NRXN1: variants seen among roughly 807,000 people sequenced by gnomAD.
NRXN1 encodes the protein neurexin 1.
A neutral mutation model predicts 150.9 loss-of-function variants in NRXN1; 39 were observed. That is an observed-to-expected ratio of 0.26 (90% CI 0.20 to 0.34). The LOEUF (loss-of-function observed/expected upper bound fraction) is 0.34, where lower values mean the gene tolerates loss of function less well. Ranked by LOEUF, NRXN1 falls within the 10% of genes least tolerant of loss-of-function variation. The pLI is 1.00. For missense variants in NRXN1, 1,815 were observed against 1,949.9 expected (o/e 0.93, Z 1.30); for synonymous variants, 924 against 757.0 (o/e 1.22, Z -3.62).
intron 5 of NRXN1, among the ~76,000 whole-genome samples, chr2:50,835,970 T>C (rs1470896186): frequency 6.6e-6 from 1 of 152,212 alleles, no homozygotes. Flanking sequence ...TAAAGACACC[T>C]TTTAATTAGA....
intron 2 of NRXN1, among the ~76,000 whole-genome samples, chr2:50,971,339 C>T (rs754196613): frequency 1.0e-3 from 155 of 152,202 alleles, no homozygotes; most frequent in Non-Finnish European, 1.8e-3. Context: ...AATCCCAGCA[C>T]TTTGGGAGGC....
chr2:50,745,939 A>C (rs1699973996), intron 5 of NRXN1, among the ~76,000 whole-genome samples: 1 of 152,176 alleles, frequency 6.6e-6, no homozygotes, highest in East Asian at 2.0e-4. Context: ...GGAAATTTTA[A>C]AACAGTAATC....
At chr2:50,767,252 T>C (rs946830276) in intron 5 of NRXN1, among the ~76,000 whole-genome samples, 1 of 152,090 alleles carries the variant, frequency 6.6e-6, no homozygotes, top group African/African-American at 2.4e-5. Flanking sequence ...TGTTTTTTAA[T>C]GTACTAATTT....
intron 5 of NRXN1, among the ~76,000 whole-genome samples, chr2:50,754,677 G>GAAAA (rs1459867022): frequency 1.7e-3 from 252 of 151,890 alleles, no homozygotes; most frequent in South Asian, 9.5e-3. Flanking sequence ...AAAGCTTCCA[G>GAAAA]CTTTCCAAAA....
chr2:50,044,214 T>C (rs1473086438), intron 21 of NRXN1, among the ~76,000 whole-genome samples: 1 of 152,192 alleles, frequency 6.6e-6, no homozygotes, highest in Non-Finnish European at 1.5e-5. Context: ...TATAACAGTC[T>C]TGGAGTTTTC....
intron 18 of NRXN1, among the ~76,000 whole-genome samples, chr2:50,147,083 T>C (rs1020830076): frequency 1.3e-5 from 2 of 151,762 alleles, no homozygotes; most frequent in Admixed American, 1.3e-4. Flanking sequence ...GGGTCCTCTA[T>C]AATAGTTGGC....
At chr2:50,299,789 G>C (rs1558481108) in intron 17 of NRXN1, among the ~76,000 whole-genome samples, 1 of 152,126 alleles carries the variant, frequency 6.6e-6, no homozygotes, top group South Asian at 2.1e-4. Context: ...AAATGGCTAT[G>C]TTTTAAATAA....
At chr2:50,348,511 A>C (rs2078204494) in intron 17 of NRXN1, among the ~76,000 whole-genome samples, 1 of 152,236 alleles carries the variant, frequency 6.6e-6, no homozygotes, top group African/African-American at 2.4e-5. Flanking sequence ...CTTTGCTAAC[A>C]GTGGAACTCC....
At chr2:50,560,355 G>A (rs1212475011) in intron 8 of NRXN1, among the ~76,000 whole-genome samples, 1 of 152,138 alleles carries the variant, frequency 6.6e-6, no homozygotes, top group East Asian at 1.9e-4. Flanking sequence ...GAGTGGCTGC[G>A]GGAGGGCTAG....
intron 5 of NRXN1, among the ~76,000 whole-genome samples, chr2:50,706,049 A>T (rs972452336): frequency 1.3e-5 from 2 of 152,236 alleles, no homozygotes; most frequent in African/African-American, 4.8e-5. Flanking sequence ...TCTGCCATGG[A>T]TCCCCGTCAA....
intron 5 of NRXN1, among the ~76,000 whole-genome samples, chr2:50,663,922 G>A (rs561952515): frequency 1.1e-3 from 174 of 152,040 alleles, no homozygotes; most frequent in African/African-American, 4.0e-3. Flanking sequence ...CCCAATAGCT[G>A]AAACCCTGCT....
At chr2:50,673,527 T>C (rs1342787285) in intron 5 of NRXN1, among the ~76,000 whole-genome samples, 1 of 152,136 alleles carries the variant, frequency 6.6e-6, no homozygotes, top group Admixed American at 6.6e-5. Context: ...TCTTCAGTAC[T>C]GCTCATAAAA....
At chr2:50,585,380 T>C (rs1281082964) in intron 8 of NRXN1, among the ~76,000 whole-genome samples, 3 of 152,132 alleles carry the variant, frequency 2.0e-5, no homozygotes, top group Admixed American at 2.0e-4. Flanking sequence ...GGGAGAAGAA[T>C]ATGTGGTGTT....
intron 17 of NRXN1, among the ~76,000 whole-genome samples, chr2:50,308,211 A>C (rs1237030224): frequency 6.6e-6 from 1 of 152,194 alleles, no homozygotes; most frequent in East Asian, 1.9e-4. Flanking sequence ...CACTAGACTT[A>C]TCCTGAAAAA....
chr2:49,937,884 C>A (rs1240148574), intron 22 of NRXN1, among the ~76,000 whole-genome samples: 1 of 152,088 alleles, frequency 6.6e-6, no homozygotes, highest in Non-Finnish European at 1.5e-5. Context: ...CAAGACAGTC[C>A]TTGAAATGAT....
At chr2:50,865,332 A>C (rs914977908) in intron 5 of NRXN1, among the ~76,000 whole-genome samples, 5 of 152,006 alleles carry the variant, frequency 3.3e-5, no homozygotes, top group African/African-American at 1.2e-4. Context: ...AAGTAGTCTT[A>C]TCCAGAGAGG....
chr2:50,531,991 G>A (rs192886116), intron 10 of NRXN1, among the ~76,000 whole-genome samples: 125 of 152,120 alleles, frequency 8.2e-4, no homozygotes, highest in African/African-American at 2.8e-3. Flanking sequence ...GACCACAGGC[G>A]CATGACACCA....
At chr2:50,061,853 G>A (rs1275396599) in intron 19 of NRXN1, among the ~76,000 whole-genome samples, 1 of 152,132 alleles carries the variant, frequency 6.6e-6, no homozygotes, top group Non-Finnish European at 1.5e-5. Context: ...ACATGCCTCT[G>A]CCGAAGTAAT....
At chr2:50,892,959 C>T (rs1000746642) in intron 5 of NRXN1, among the ~76,000 whole-genome samples, 1 of 152,096 alleles carries the variant, frequency 6.6e-6, no homozygotes, top group African/African-American at 2.4e-5. Context: ...CTAACCATGG[C>T]GTGGTCAAGG....
Sources: allele counts gnomAD v4.1 joint callset (sites outside exome capture counted in the v4.1 genomes callset), GRCh38; gene constraint gnomAD v4.1.1; transcripts MANE v1.5; gene names NCBI Gene and HGNC (gene_info 2026-07-23, HGNC 2026-07-21).